SUPT3H: variants seen among roughly 807,000 people sequenced by gnomAD.
SUPT3H encodes the protein SPT3 homolog, SAGA and STAGA complex component.
In SUPT3H, 44 loss-of-function variants were observed where a neutral mutation model predicts 44.3. That is an observed-to-expected ratio of 0.99 (90% confidence interval 0.78 to 1.28). The LOEUF (loss-of-function observed/expected upper bound fraction) is 1.28. Among genes scored for constraint, SUPT3H ranks in the 50% most tolerant of loss-of-function variants. SUPT3H has a pLI of 0.00. For missense variants in SUPT3H, 380 were observed against 387.1 expected (o/e 0.98, Z 0.15); for synonymous variants, 124 against 125.6 (o/e 0.99, Z 0.09).
rs114071580 is a variant in SUPT3H, at chr6:44,883,496, T to C, written c.912+49157A>G. On this transcript the variant is annotated intron_variant, in intron 10 of 10. Transcript: ENST00000371459. ...GATGCTGTCCCCAATCAAGCTACCA[T>C]TGACTTTCTTCATACAATTAGATAA... 6.6e-3 allele frequency among the ~76,000 whole-genome samples: 1,000 copies of C among 152,272 alleles called. 13 individuals carry two copies. Among genetic ancestry groups the C allele is most frequent in the African/African-American group, 0.023 (940 of 41,552 alleles).
chr6:44,811,859 C>CTT (rs887010606), intron 11 of SUPT3H, among the ~76,000 whole-genome samples: 2 of 145,758 alleles, frequency 1.4e-5, no homozygotes, highest in Non-Finnish European at 1.5e-5. Context: ...ATGGGTTGGT[C>CTT]TTTTTTTTTT....
intron 2 of SUPT3H, among the ~76,000 whole-genome samples, chr6:45,276,374 T>C (rs1331225736): frequency 6.6e-6 from 1 of 152,108 alleles, no homozygotes; most frequent in African/African-American, 2.4e-5. Context: ...TTATACAATA[T>C]AATCAAATAC....
intron 3 of SUPT3H, among the ~76,000 whole-genome samples, chr6:45,075,352 C>T (rs1047281916): frequency 2.0e-5 from 3 of 152,068 alleles, no homozygotes; most frequent in Admixed American, 6.6e-5. Context: ...TATTGAATCA[C>T]CAGAAATGTC....
At chr6:45,272,295 C>G (rs970907999) in intron 2 of SUPT3H, among the ~76,000 whole-genome samples, 1 of 152,060 alleles carries the variant, frequency 6.6e-6, no homozygotes, top group Non-Finnish European at 1.5e-5. Context: ...ATCTTGAATT[C>G]CCACAGGTTG....
chr6:45,078,048 T>C (rs1795256427), intron 3 of SUPT3H, among the ~76,000 whole-genome samples: 1 of 152,162 alleles, frequency 6.6e-6, no homozygotes. Flanking sequence ...AATTTCAGTA[T>C]TTTCAGTAGA....
chr6:45,112,289 G>T (rs2153574833), intron 2 of SUPT3H, among the ~76,000 whole-genome samples: 1 of 151,702 alleles, frequency 6.6e-6, no homozygotes, highest in South Asian at 2.1e-4. Flanking sequence ...TTAAAAATGA[G>T]TAACAGAACG....
intron 2 of SUPT3H, among the ~76,000 whole-genome samples, chr6:45,344,679 T>G (rs902640784): frequency 6.6e-5 from 10 of 152,042 alleles, no homozygotes; most frequent in African/African-American, 2.4e-5. Flanking sequence ...TTAGGTAAAG[T>G]GTATAAACTA....
At chr6:45,097,002 AAG>A (rs1179317526) in intron 3 of SUPT3H, among the ~76,000 whole-genome samples, 1 of 146,842 alleles carries the variant, frequency 6.8e-6, no homozygotes, top group Admixed American at 6.9e-5. Context: ...CTGTAGGACA[AAG>A]AGAGTGTAGT....
chr6:45,337,534 T>C (rs1048753931), intron 2 of SUPT3H, among the ~76,000 whole-genome samples: 1 of 151,860 alleles, frequency 6.6e-6, no homozygotes, highest in African/African-American at 2.4e-5. Context: ...GTAAGTTCTT[T>C]TGCTACGCCA....
intron 3 of SUPT3H, among the ~76,000 whole-genome samples, chr6:45,082,966 T>G (rs1796005116): frequency 6.6e-6 from 1 of 152,010 alleles, no homozygotes; most frequent in Non-Finnish European, 1.5e-5. Context: ...CAGTAGCACT[T>G]CCATACATTT....
chr6:44,944,781 A>AAAAAAAAAAAAG (rs1185186363), intron 9 of SUPT3H, among the ~76,000 whole-genome samples: 2 of 136,954 alleles, frequency 1.5e-5, no homozygotes, highest in African/African-American at 2.6e-5. Flanking sequence ...AAAAAAAAAA[A>AAAAAAAAAAAAG]AAAAGAAAAG....
chr6:45,348,101 C>T (rs752204099), intron 2 of SUPT3H, among the ~76,000 whole-genome samples: 5 of 151,718 alleles, frequency 3.3e-5, no homozygotes, highest in East Asian at 1.9e-4. Context: ...ATAGTTTTTA[C>T]GTTAAAAGCA....
intron 10 of SUPT3H, among the ~76,000 whole-genome samples, chr6:44,891,335 A>T (rs1382207612): frequency 6.6e-6 from 1 of 152,154 alleles, no homozygotes; most frequent in East Asian, 1.9e-4. Flanking sequence ...CGGCCACATT[A>T]TTCACAATAG....
chr6:45,164,112 TCACA>T (rs904744682), intron 2 of SUPT3H, among the ~76,000 whole-genome samples: 1 of 152,126 alleles, frequency 6.6e-6, no homozygotes, highest in Non-Finnish European at 1.5e-5. Context: ...GTTTCAGCTC[TCACA>T]CAGAGATGCC....
At chr6:44,892,144 A>T (rs1442682066) in intron 10 of SUPT3H, among the ~76,000 whole-genome samples, 2 of 152,166 alleles carry the variant, frequency 1.3e-5, no homozygotes. Flanking sequence ...ACTGCTATGG[A>T]CTGAACTGTA....
intron 10 of SUPT3H, among the ~76,000 whole-genome samples, chr6:44,913,945 C>T (rs946575438): frequency 9.2e-5 from 14 of 152,074 alleles, no homozygotes; most frequent in African/African-American, 3.4e-4. Flanking sequence ...CTTGAGTCCT[C>T]ATTAAATATT....
At chr6:44,995,875 A>G (rs1781199891) in intron 6 of SUPT3H, among the ~76,000 whole-genome samples, 1 of 152,026 alleles carries the variant, frequency 6.6e-6, no homozygotes, top group South Asian at 2.1e-4. Context: ...TATAAATTCA[A>G]TAAACTTGTA....
chr6:45,045,156 AC>A lies in SUPT3H; in HGVS notation c.187-24525del, dbSNP rs150847910. On this transcript the variant is annotated intron_variant, in intron 3 of 10. Transcript: ENST00000371459. ...ATTAATCCATGCCATAAAACAGACT[AC>A]AGATACTGTCATATTATAAACCTTA... is the stretch of plus-strand genomic sequence containing the variant. 4.7e-3 allele frequency among the ~76,000 whole-genome samples: 711 copies of A among 152,270 alleles called. 8 individuals are homozygous for A. Among genetic ancestry groups the A allele is most frequent in the African/African-American group, 0.016 (663 of 41,548 alleles).
rs1383428097 is a variant in SUPT3H, at chr6:45,353,266, ATT to A, written c.101+11933_101+11934del. 2.0e-5 allele frequency among the ~76,000 whole-genome samples: 3 copies of A among 152,240 alleles called. No homozygotes were observed. The East Asian group carries it at 5.8e-4, about 29-fold the overall frequency. Reference sequence around the variant, plus strand: ...AAACTACTTAAAATTTGCACTTAGAATTTGTTTTGGAACTTGATAAAATGATT... The same window carrying A: ...AAACTACTTAAAATTTGCACTTAGAATGTTTTGGAACTTGATAAAATGATT... On this transcript the variant is annotated intron_variant, in intron 2 of 10. Coordinates refer to ENST00000371459, the MANE Select transcript of SUPT3H (RefSeq NM_003599.4).
Sources: allele counts gnomAD v4.1 joint callset (sites outside exome capture counted in the v4.1 genomes callset), GRCh38; gene constraint gnomAD v4.1.1; transcripts MANE v1.5; gene names NCBI Gene and HGNC (gene_info 2026-07-23, HGNC 2026-07-21).